Variants in LRCH3 observed in about 807,000 individuals in gnomAD.
LRCH3 encodes DISP complex protein LRCH3.
Under a neutral mutation model 104.5 loss-of-function variants are expected in LRCH3, and 68 were observed. The ratio of observed to expected loss-of-function variants is 0.65; its 90% CI spans 0.54 to 0.80. LRCH3 has a LOEUF of 0.80. Ranked by LOEUF, LRCH3 falls within the 30% of genes least tolerant of loss-of-function variation. The pLI is 0.00. For synonymous variants in LRCH3, 344 were observed against 361.3 expected, an observed-to-expected ratio of 0.95 and a Z score of 0.54; for missense variants, 951 against 953.9, an observed-to-expected ratio of 1.00 and a Z score of 0.04.
intron 9 of LRCH3, among the ~76,000 whole-genome samples, chr3:197,838,035 A>G (rs546040246): frequency 5.5e-4 from 83 of 151,770 alleles, no homozygotes; most frequent in Non-Finnish European, 9.4e-4. Flanking sequence ...ACTCCAGCCT[A>G]GGTGACAGAG....
intron 7 of LRCH3, 96 bp downstream of exon 7, chr3:197,830,959 C>G (rs1735850437): frequency 9.2e-7 from 1 of 1,087,518 alleles, no homozygotes; most frequent in Non-Finnish European, 1.4e-6. Flanking sequence ...CAGTTTCTCA[C>G]TACATAAAAT....
chr3:197,830,944 G>A (rs1560552895), intron 7 of LRCH3, 81 bp downstream of exon 7: 1 of 1,215,912 alleles, frequency 8.2e-7, no homozygotes, highest in Non-Finnish European at 1.2e-6. Context: ...CGTCTTAACT[G>A]GATTCAGTTT....
intron 10 of LRCH3, among the ~76,000 whole-genome samples, chr3:197,844,515 C>G (rs1172196942): frequency 1.3e-5 from 2 of 152,076 alleles, no homozygotes; most frequent in Non-Finnish European, 2.9e-5. Context: ...CTTGGCCTCC[C>G]AAAATGCTGG....
chr3:197,828,448 C>CTA (rs1735492284), intron 5 of LRCH3, among the ~76,000 whole-genome samples: 1 of 151,792 alleles, frequency 6.6e-6, no homozygotes, highest in South Asian at 2.1e-4. Flanking sequence ...CGGGTTCACA[C>CTA]TATTCTTCTG....
intron 19 of LRCH3, 61 bp downstream of exon 19, chr3:197,871,523 C>T: frequency 6.3e-7 from 1 of 1,594,378 alleles, no homozygotes; most frequent in Non-Finnish European, 8.6e-7. Context: ...GCACAGTGGA[C>T]AGACATTTCT....
chr3:197,849,599 T>G lies in LRCH3; in HGVS notation c.1530+1578T>G, dbSNP rs182579859. ...ATTTGTTACTACATACAAACTTTTT[T>G]ATATAGTTCTCTTGAAACTAACGGA... On this transcript the variant is annotated intron_variant, in intron 12 of 20. Transcript: ENST00000425562. Among the ~76,000 whole-genome samples the G allele has an allele frequency of 3.4e-4, 52 of 152,306 alleles. No homozygotes were observed. The East Asian group carries it at 0.01, about 29-fold the overall frequency.
intron 4 of LRCH3, among the ~76,000 whole-genome samples, chr3:197,825,041 T>G (rs1734994112): frequency 6.6e-6 from 1 of 152,260 alleles, no homozygotes. Context: ...TTATTCTATG[T>G]TCCCCCTTGA....
intron 1 of LRCH3, among the ~76,000 whole-genome samples, chr3:197,795,132 A>T (rs916557484): frequency 1.3e-5 from 2 of 152,164 alleles, no homozygotes; most frequent in African/African-American, 4.8e-5. Flanking sequence ...AGCAGAAAGG[A>T]TATAACTTGG....
intron 10 of LRCH3, among the ~76,000 whole-genome samples, chr3:197,841,625 T>C (rs763705613): frequency 1.7e-4 from 26 of 152,186 alleles, no homozygotes; most frequent in Non-Finnish European, 4.4e-5. Flanking sequence ...GCCTACCGCA[T>C]CTTAGTCCAG....
chr3:197,817,118 GA>G, intron 2 of LRCH3, 57 bp from the exon 3 acceptor site: 1 of 1,513,986 alleles, frequency 6.6e-7, no homozygotes, highest in Non-Finnish European at 8.9e-7. Flanking sequence ...GAGAAAGAGA[GA>G]AAATTTTTCT....
intron 3 of LRCH3, 106 bp downstream of exon 3, chr3:197,817,408 A>G (rs1201460731): frequency 5.5e-6 from 1 of 181,998 alleles, no homozygotes; most frequent in Non-Finnish European, 8.6e-6. Context: ...ATGTATACAA[A>G]GTCATACCAT....
Position 197,824,361 on chromosome 3 carries a change from C to CTT in LRCH3, c.641-2503_641-2502dup, listed in dbSNP as rs35034702. Reference sequence around the variant, plus strand: ...TACAGGCGTGAGCCACCACGCCCGGCTTTTTTTTTTTTTTTCCCCTGGAGG... The same window carrying CTT: ...TACAGGCGTGAGCCACCACGCCCGGCTTTTTTTTTTTTTTTTTCCCCTGGAGG... On this transcript the variant is annotated intron_variant, in intron 4 of 20. Coordinates refer to ENST00000425562, the MANE Select transcript of LRCH3 (RefSeq NM_001365715.1). Among the ~76,000 whole-genome samples the CTT allele has an allele frequency of 4.3e-3, 586 of 137,764 alleles. 14 individuals are homozygous for CTT. Among genetic ancestry groups the CTT allele is most frequent in the African/African-American group, 8.9e-3 (330 of 37,062 alleles). The allele number at this position is 137,764 out of a possible 152,430, so 90.4% of individuals were successfully genotyped here. A position where few individuals can be genotyped will look rare whatever the true frequency, so the allele number is the denominator to read the frequency against.
chr3:197,837,071 T>A (rs1198519121), intron 9 of LRCH3, among the ~76,000 whole-genome samples: 2 of 152,146 alleles, frequency 1.3e-5, no homozygotes, highest in Non-Finnish European at 2.9e-5. Flanking sequence ...AGAGACATAC[T>A]TGTATTTAAA....
At chr3:197,860,305 C>G (rs1740723391) in intron 15 of LRCH3, among the ~76,000 whole-genome samples, 2 of 152,216 alleles carry the variant, frequency 1.3e-5, no homozygotes, top group Non-Finnish European at 2.9e-5. Context: ...CCTTCAACTT[C>G]TAAATGACAG....
rs1363535976 is a variant in LRCH3, at chr3:197,883,586, A to C, written c.2254A>C (p.Ser752Arg). 1.2e-5 allele frequency: 18 copies of C among 1,536,066 alleles called. 1 individual carries two copies. The Middle Eastern group carries it at 1.5e-3, about 128-fold the overall frequency. ...PLHILEEKGLSQVAVTVQALL... is the reference protein window; with the variant it reads ...PLHILEEKGLRQVAVTVQALL... Reference sequence around the variant, plus strand: ...CCACATTTTAGAAGAGAAAGGTTTGAGCCAGGTTGCAGTGACGGTCCAGGC... The same window carrying C: ...CCACATTTTAGAAGAGAAAGGTTTGCGCCAGGTTGCAGTGACGGTCCAGGC... Residue 752 changes from serine to arginine, a missense_variant, in exon 21 of 21, where the codon AGC (serine) becomes CGC (arginine). Physicochemically the swap from Ser to Arg is moderately radical, Grantham distance 110. Transcript: ENST00000425562. The surrounding 1 kb of genome is among the most constrained non-coding windows in gnomAD (Gnocchi z 4.2).
chr3:197,791,464 G>C lies in LRCH3; in HGVS notation c.186G>C (p.Leu62=), dbSNP rs775815126. The C allele has an allele frequency of 1.9e-6, 3 of 1,600,688 alleles. No homozygotes were observed. Among genetic ancestry groups the C allele is most frequent in the Admixed American group, 1.7e-5 (1 of 58,522 alleles). Residue 62 remains leucine (L), a synonymous_variant, in exon 1 of 21, where the codon CTG becomes CTC. Coordinates refer to ENST00000425562, the MANE Select transcript of LRCH3 (RefSeq NM_001365715.1). The stretch of plus-strand genomic sequence containing the variant: ...AGGAGGCGGCGGTCACTGGGGTGCT[G>C]AGCCTGAGCGGCCGGAAACTGAGGG... ...ALEEAAVTGV[L]SLSGRKLREF...
chr3:197,833,069 G>A (rs1015850775), intron 8 of LRCH3, among the ~76,000 whole-genome samples: 7 of 151,838 alleles, frequency 4.6e-5, no homozygotes, highest in African/African-American at 1.7e-4. Context: ...TACTCCTGTC[G>A]TTACCATTTC....
intron 7 of LRCH3, 33 bp from the exon 8 acceptor site, chr3:197,832,164 G>A: frequency 8.8e-6 from 14 of 1,597,104 alleles, no homozygotes; most frequent in Non-Finnish European, 1.2e-5. Context: ...GCTCTAAAAT[G>A]ATTGTTTTTA....
chr3:197,814,954 CTTTG>C lies in LRCH3; in HGVS notation c.313_316del (p.Val105LeufsTer20). ...CAGAAATTCCTATAGAAGCATGTCA[CTTTG>C]TTTCTCTGGAAAATCTCAACTTGTA... On this transcript the variant is annotated frameshift_variant, in exon 2 of 21. Coordinates refer to ENST00000425562, the MANE Select transcript of LRCH3 (RefSeq NM_001365715.1). LOFTEE classifies it high-confidence loss of function. 1 of 1,600,912 alleles carries C rather than the reference CTTTG, an allele frequency of 6.2e-7. No individual in the cohort carries two copies. Among genetic ancestry groups the C allele is most frequent in the Non-Finnish European group, 8.5e-7 (1 of 1,175,188 alleles).
Sources: allele counts gnomAD v4.1 joint callset (sites outside exome capture counted in the v4.1 genomes callset), GRCh38; gene constraint gnomAD v4.1.1; non-coding constraint Gnocchi (gnomAD v3.1); transcripts MANE v1.5; gene names NCBI Gene and HGNC (gene_info 2026-07-23, HGNC 2026-07-21).